The following PAX8 variants were observed in gnomAD, a reference collection of about 807,000 sequenced individuals.
PAX8 encodes the protein paired box protein Pax-8.
Under a neutral mutation model 52.4 loss-of-function variants are expected in PAX8, and 15 were observed. That is an observed-to-expected ratio of 0.29 (90% CI 0.19 to 0.44). The LOEUF (loss-of-function observed/expected upper bound fraction) is 0.44. Among genes scored for constraint, PAX8 ranks in the 20% least tolerant of loss-of-function variants. PAX8 has a pLI of 1.00. For missense variants in PAX8, 554 were observed against 602.5 expected (o/e 0.92, Z 0.84); for synonymous variants, 284 against 249.7 (o/e 1.14, Z -1.29).
intron 4 of PAX8, among the ~76,000 whole-genome samples, chr2:113,243,335 T>C (rs74704803): frequency 0.049 from 7,385 of 152,230 alleles, 264 homozygotes; most frequent in South Asian, 0.15. Flanking sequence ...TGCTGACATC[T>C]TCAACTTCAG....
chr2:113,226,576 A>G (rs1197269108), intron 10 of PAX8: 2 of 1,040,746 alleles, frequency 1.9e-6, no homozygotes, highest in East Asian at 7.7e-5. Flanking sequence ...TTCATCCTCT[A>G]TAGTACTCTT....
chr2:113,236,914 G>T, intron 7 of PAX8, 193 bp from the exon 8 acceptor site: 2 of 654,468 alleles, frequency 3.1e-6, no homozygotes, highest in Non-Finnish European at 2.5e-6. Context: ...CGCATCCCTG[G>T]AATTCAAGGC....
At position 113,220,391 on chromosome 2, in the gene PAX8, C is replaced by T. The variant is rs1573398110; in HGVS notation, c.1190-213G>A. ...GAAAATTTGGGGCAGTGTCCTTTTC[C>T]GTAGGTACTGGAGGCACTGGCTTGA... On this transcript the variant is annotated intron_variant, in intron 10 of 11. Coordinates refer to ENST00000429538, the MANE Select transcript of PAX8 (RefSeq NM_003466.4). 13 of 571,098 alleles carry T rather than the reference C, an allele frequency of 2.3e-5. 1 individual carries two copies. Among genetic ancestry groups the T allele is most frequent in the South Asian group, 1.3e-4 (6 of 47,934 alleles). 35.4% of individuals were successfully genotyped at this position (571,098 alleles called of 1,614,324 possible). A position where few individuals can be genotyped will look rare whatever the true frequency, so the allele number is the denominator to read the frequency against.
chr2:113,241,276 G>A, intron 7 of PAX8: 1 of 567,124 alleles, frequency 1.8e-6, no homozygotes, highest in South Asian at 2.0e-5. Flanking sequence ...AGACGCTGAT[G>A]GCAAGGGATA....
chr2:113,272,661 G>A (rs1001439959), intron 2 of PAX8: 1 of 152,154 alleles, frequency 6.6e-6, no homozygotes, highest in African/African-American at 2.4e-5. Flanking sequence ...CCTTCCCCAC[G>A]AAAGGAATGT....
chr2:113,251,275 G>T (rs549444874), intron 2 of PAX8, among the ~76,000 whole-genome samples: 1 of 152,164 alleles, frequency 6.6e-6, no homozygotes, highest in Non-Finnish European at 1.5e-5. Context: ...GACGATTGGC[G>T]CCCACTGTGC....
intron 2 of PAX8, chr2:113,276,534 A>T (rs1486821689): frequency 6.6e-6 from 1 of 152,238 alleles, no homozygotes; most frequent in East Asian, 1.9e-4. Context: ...GAAAGCGCGC[A>T]TCTCATCATC....
In PAX8 at chr2:113,255,882, G is replaced by A. The variant is rs368843284; in HGVS notation, c.26-8963C>T. Among the ~76,000 whole-genome samples, 208 of 152,090 alleles carry A rather than the reference G, an allele frequency of 1.4e-3. 3 individuals carry two copies. The South Asian group carries it at 0.018, about 13-fold the overall frequency. On this transcript the variant is annotated intron_variant, in intron 2 of 11. Coordinates refer to ENST00000429538, the MANE Select transcript of PAX8 (RefSeq NM_003466.4). Reference sequence around the variant, plus strand: ...GGGAGGCAGAGGGTTAGCAGCAAATGCTACCCCTTCTGAGAACTCAGACAT... The same window carrying A: ...GGGAGGCAGAGGGTTAGCAGCAAATACTACCCCTTCTGAGAACTCAGACAT...
chr2:113,218,589 A>C lies in PAX8; in HGVS notation c.1297T>G (p.Ser433Ala). The C allele has an allele frequency of 1.2e-5, 19 of 1,558,630 alleles. No individual in the cohort carries two copies. The highest frequency in any genetic ancestry group is 1.7e-5 in the Non-Finnish European group (19 of 1,150,740). The change falls in exon 12 of 12, where the codon TCC becomes GCC. Residue 433 changes from serine to alanine, a missense_variant. Around this residue, in one of 2 missense-constraint regions of PAX8, gnomAD observed 445 missense variants for 409.9 expected, o/e 1.09. Transcript: ENST00000429538. Reference sequence around the variant, plus strand: ...GGCGGTGCACTCGGCCTTGATGTGGAACTGTAATAATATGGGGAACCTGGA... The same window carrying C: ...GGCGGTGCACTCGGCCTTGATGTGGCACTGTAATAATATGGGGAACCTGGA... ...SLLSSPYYYSSTSRPSAPPTT... is the reference protein window; with the variant it reads ...SLLSSPYYYSATSRPSAPPTT...
At chr2:113,235,161 T>C (rs1690168300) in intron 9 of PAX8, among the ~76,000 whole-genome samples, 1 of 152,230 alleles carries the variant, frequency 6.6e-6, no homozygotes, top group Admixed American at 6.5e-5. Context: ...TGCTTTTCCA[T>C]GGGGTCTTGG....
At chr2:113,243,940 C>G (rs948383591) in intron 4 of PAX8, among the ~76,000 whole-genome samples, 1 of 152,082 alleles carries the variant, frequency 6.6e-6, no homozygotes, top group Admixed American at 6.5e-5. Context: ...CTGTAAGCTC[C>G]GCAAAGATGG....
At position 113,216,076 on chromosome 2, in the gene PAX8, C is replaced by T. The variant is rs1689018757; in HGVS notation, c.*2457G>A. 1 of 225,758 alleles carries T rather than the reference C, an allele frequency of 4.4e-6. No homozygotes were observed. Among genetic ancestry groups the T allele is most frequent in the Non-Finnish European group, 8.8e-6 (1 of 113,436 alleles). 14.0% of individuals were successfully genotyped at this position (225,758 alleles called of 1,614,324 possible). Reference sequence around the variant, plus strand: ...GTCTGCCGGGGGTACAGAGTGTCCCCAGAGGGGCTGTGGCTGTGAATGCAA... The same window carrying T: ...GTCTGCCGGGGGTACAGAGTGTCCCTAGAGGGGCTGTGGCTGTGAATGCAA... On this transcript the variant is annotated 3_prime_UTR_variant, in exon 12 of 12. Coordinates refer to ENST00000429538, the MANE Select transcript of PAX8 (RefSeq NM_003466.4).
At chr2:113,256,630 ATG>A (rs72155714) in intron 2 of PAX8, among the ~76,000 whole-genome samples, 60,008 of 138,732 alleles carry the variant, frequency 0.43, 12,739 homozygotes, top group East Asian at 0.68. Context: ...ATATATATAT[ATG>A]TGTGTGTGTG....
chr2:113,221,171 T>C (rs1165744263), intron 10 of PAX8, among the ~76,000 whole-genome samples: 1 of 152,216 alleles, frequency 6.6e-6, no homozygotes, highest in East Asian at 1.9e-4. Flanking sequence ...AATCACACTG[T>C]TGTTAAATGT....
intron 2 of PAX8, among the ~76,000 whole-genome samples, chr2:113,261,214 G>T (rs971456848): frequency 6.6e-6 from 1 of 152,140 alleles, no homozygotes; most frequent in Non-Finnish European, 1.5e-5. Flanking sequence ...GGGGTGCTGA[G>T]AATTAGGAGG....
chr2:113,267,765 G>A (rs1258264586), intron 2 of PAX8: 1 of 152,192 alleles, frequency 6.6e-6, no homozygotes, highest in African/African-American at 2.4e-5. Context: ...ATTACCCACA[G>A]ACCTAGGACA....
intron 3 of PAX8, among the ~76,000 whole-genome samples, chr2:113,246,043 C>T (rs1342603278): frequency 3.3e-5 from 5 of 152,198 alleles, no homozygotes; most frequent in East Asian, 1.9e-4. Flanking sequence ...TCTGTGACTG[C>T]ATCAGCTCAG....
intron 2 of PAX8, among the ~76,000 whole-genome samples, chr2:113,252,303 T>G (rs1691832527): frequency 6.6e-6 from 1 of 152,194 alleles, no homozygotes; most frequent in African/African-American, 2.4e-5. Context: ...TCCATGCGAA[T>G]CAGTCCCTGG....
intron 3 of PAX8, among the ~76,000 whole-genome samples, chr2:113,246,272 T>C (rs1371898273): frequency 6.6e-6 from 1 of 152,272 alleles, no homozygotes; most frequent in African/African-American, 2.4e-5. Context: ...GTGACTGTAA[T>C]GTGCTACCAG....
Sources: gnomAD v4.1 joint callset for allele counts (sites outside exome capture counted in the v4.1 genomes callset) on GRCh38, gnomAD v4.1.1 for gene constraint, gnomAD v4.1.1 regional missense constraint, MANE v1.5 for transcripts, NCBI Gene and HGNC (gene_info 2026-07-23, HGNC 2026-07-21) for gene names.